FXYD3: variants seen among roughly 807,000 people sequenced by gnomAD.
The protein encoded by FXYD3 is FXYD domain containing ion transport regulator 3.
FXYD3 carries 13 observed loss-of-function variants against 19.2 expected under a neutral mutation model. The ratio of observed to expected loss-of-function variants is 0.68; its 90% CI spans 0.44 to 1.08. FXYD3 has a LOEUF of 1.08. Among genes scored for constraint, FXYD3 ranks in the 50% least tolerant of loss-of-function variants. The pLI, the probability that FXYD3 is intolerant of heterozygous loss-of-function variation, is 0.00. For missense variants in FXYD3, 101 were observed against 109.4 expected (o/e 0.92, Z 0.34); for synonymous variants, 48 against 38.9 (o/e 1.23, Z -0.87).
chr19:35,121,232 T>C lies in FXYD3; in HGVS notation c.84T>C (p.Ser28=). Residue 28 remains serine (S), a synonymous_variant, in exon 5 of 9, where the codon AGT becomes AGC. Transcript: ENST00000604404. ...TTTCTTTCCTTGCAGATAAAAACAG[T>C]CCTTTCTACTATGGTGAGAGCCCGT... The part of the protein sequence containing the change: ...LDANDLEDKN[S]PFYYDWHSLQ... 6.2e-7 allele frequency: 1 copy of C among 1,614,038 alleles called. No individual in the cohort carries two copies. The highest frequency in any genetic ancestry group is 8.5e-7 in the Non-Finnish European group (1 of 1,179,908).
At chr19:35,121,140 AC>A in intron 4 of FXYD3, 30 bp downstream of exon 4, 4 of 1,613,808 alleles carry the variant, frequency 2.5e-6, no homozygotes, top group Non-Finnish European at 3.4e-6. Flanking sequence ...CACCCGTCAC[AC>A]CCCCAAATTC....
rs1340095117 is a variant in FXYD3 at position 35,122,938 on chromosome 19, T to C, written c.193T>C (p.Phe65Leu). Residue 65 changes from phenylalanine to leucine, a missense_variant, in exon 7 of 9, where the codon TTT (phenylalanine) becomes CTT (leucine). Physicochemically the swap from Phe to Leu is conservative, Grantham distance 22. Coordinates refer to ENST00000604404, the MANE Select transcript of FXYD3 (RefSeq NM_005971.4). ...AACAGGTGCAAAATGCAAATGCAAG[T>C]TTGGCCAGAAGTCCGGGTAAGATAC... is the stretch of plus-strand genomic sequence containing the variant. ...IVMSAKCKCK[F>L]GQKSGHHPGE... 6.2e-7 allele frequency: 1 copy of C among 1,604,392 alleles called. No individual in the cohort carries two copies. The highest frequency in any genetic ancestry group is 8.5e-7 in the Non-Finnish European group (1 of 1,174,352).
chr19:35,119,866 C>T (rs1025971903), intron 3 of FXYD3: 1 of 172,592 alleles, frequency 5.8e-6, no homozygotes, highest in Non-Finnish European at 1.2e-5. Flanking sequence ...GACGAGGTCT[C>T]ACTGTGTTGC....
intron 2 of FXYD3, chr19:35,117,502 C>T (rs567773801): frequency 4.2e-5 from 38 of 910,052 alleles, no homozygotes; most frequent in East Asian, 1.3e-4. Context: ...AGAGATTGAG[C>T]GAGTAAGTGG....
rs780735784 is a variant in FXYD3, at chr19:35,119,272, G to A, written c.-14-91G>A. On this transcript the variant is annotated intron_variant, in intron 2 of 8. Coordinates refer to ENST00000604404, the MANE Select transcript of FXYD3 (RefSeq NM_005971.4). ...CCCGGGTGAGCTGCGCACCCTGCCTGGGGAGCAGGGGAGGAGGGTTGGGGA... is the reference window on the plus strand; with the variant it reads ...CCCGGGTGAGCTGCGCACCCTGCCTAGGGAGCAGGGGAGGAGGGTTGGGGA... 10 of 1,609,758 alleles carry A rather than the reference G, an allele frequency of 6.2e-6. No homozygotes were observed. In the South Asian group the frequency reaches 7.7e-5, roughly 12 times the overall value.
At chr19:35,117,449 A>G (rs1430102646) in intron 2 of FXYD3, 5 of 1,276,396 alleles carry the variant, frequency 3.9e-6, no homozygotes, top group East Asian at 3.0e-5. Context: ...CAGGATTACA[A>G]CTGCAATGTG....
At position 35,123,804 on chromosome 19, in the gene FXYD3, C is replaced by T; in HGVS notation, c.*347C>T. On this transcript the variant is annotated 3_prime_UTR_variant, in exon 9 of 9. Transcript: ENST00000604404. ...AGGCCTGTTCCCTTGTGGCTTGGGA[C>T]ATGGCACAGGCCCGCCCTCTGCCTC... is the stretch of plus-strand genomic sequence containing the variant. 3 of 406,772 alleles carry T rather than the reference C, an allele frequency of 7.4e-6. No homozygotes were observed. The highest frequency in any genetic ancestry group is 4.6e-5 in the East Asian group (1 of 21,734). The allele number at this position is 406,772 out of a possible 1,614,324, so 25.2% of individuals were successfully genotyped here.
At chr19:35,122,540 T>C in intron 5 of FXYD3, 1 of 569,126 alleles carries the variant, frequency 1.8e-6, no homozygotes, top group South Asian at 2.2e-5. Flanking sequence ...CCCACCCCAC[T>C]TATTTTTCTT....
rs372649627 is a variant in FXYD3 at position 35,121,354 on chromosome 19, C to T, written c.97+109C>T. 1.7e-5 allele frequency: 27 copies of T among 1,612,972 alleles called. No individual in the cohort carries two copies. In the African/African-American group the frequency reaches 1.7e-4, roughly 10 times the overall value. On this transcript the variant is annotated intron_variant, in intron 5 of 8. Transcript: ENST00000604404. Reference sequence around the variant, plus strand: ...ACGTGAGCATCACAGGACAAAGATACGAAGGGACTAGGATGGGGTTACTGA... The same window carrying T: ...ACGTGAGCATCACAGGACAAAGATATGAAGGGACTAGGATGGGGTTACTGA...
In FXYD3 at chr19:35,122,970, G is replaced by A. The variant is rs374885418; in HGVS notation, c.209+16G>A. Reference sequence around the variant, plus strand: ...AGAAGTCCGGGTAAGATACTGTTCCGGCATGCCCGCCTCAGGCTGACTGGA... The same window carrying A: ...AGAAGTCCGGGTAAGATACTGTTCCAGCATGCCCGCCTCAGGCTGACTGGA... On this transcript the variant is annotated intron_variant, in intron 7 of 8. Coordinates refer to ENST00000604404, the MANE Select transcript of FXYD3 (RefSeq NM_005971.4). 792 of 1,567,530 alleles carry A rather than the reference G, an allele frequency of 5.1e-4. 2 individuals are homozygous for A. The highest frequency in any genetic ancestry group is 6.2e-4 in the Non-Finnish European group (712 of 1,155,704).
intron 2 of FXYD3, chr19:35,119,040 A>G (rs1018174260): frequency 1.4e-5 from 10 of 717,204 alleles, no homozygotes; most frequent in Non-Finnish European, 2.5e-5. Context: ...CACCTCTCAG[A>G]GCCTCAGTCT....
In FXYD3 at chr19:35,122,987, C is replaced by T. The variant is rs927894219; in HGVS notation, c.209+33C>T. On this transcript the variant is annotated intron_variant, in intron 7 of 8. Transcript: ENST00000604404. ...ACTGTTCCGGCATGCCCGCCTCAGG[C>T]TGACTGGACGCTTTTCAGGGTGAAA... 8 of 1,549,208 alleles carry T rather than the reference C, an allele frequency of 5.2e-6. No homozygotes were observed. In the South Asian group the frequency reaches 8.8e-5, roughly 17 times the overall value.
rs754233843 is a variant in FXYD3, at chr19:35,122,997, G to A, written c.209+43G>A. 12 of 1,538,836 alleles carry A rather than the reference G, an allele frequency of 7.8e-6. 1 individual carries two copies. The South Asian group carries it at 1.0e-4, about 13-fold the overall frequency. On this transcript the variant is annotated intron_variant, in intron 7 of 8. Transcript: ENST00000604404. ...CATGCCCGCCTCAGGCTGACTGGAC[G>A]CTTTTCAGGGTGAAAGGGCTAACTC...
intron 2 of FXYD3, chr19:35,117,357 C>T (rs774584963): frequency 2.0e-6 from 3 of 1,505,684 alleles, no homozygotes; most frequent in Non-Finnish European, 1.8e-6. Context: ...CTTGGAGGAG[C>T]CCCTGGAAAG....
At chr19:35,122,659 A>C in intron 5 of FXYD3, 106 bp from the exon 6 acceptor site, 1 of 907,882 alleles carries the variant, frequency 1.1e-6, no homozygotes, top group Non-Finnish European at 1.8e-6. Context: ...CGGTGTCCCC[A>C]GCACCCTGTG....
chr19:35,121,280 C>T, intron 5 of FXYD3, 35 bp downstream of exon 5: 1 of 1,614,192 alleles, frequency 6.2e-7, no homozygotes, highest in Non-Finnish European at 8.5e-7. Flanking sequence ...CTCCCCACAA[C>T]CCCACATACT....
chr19:35,117,832 G>A (rs1310408261), intron 2 of FXYD3, among the ~76,000 whole-genome samples: 1 of 34,276 alleles, frequency 2.9e-5, no homozygotes, highest in Non-Finnish European at 4.9e-5. Flanking sequence ...GAAGCTGAGA[G>A]GATTCCCAGG....
In FXYD3 at chr19:35,116,770, C is replaced by T. The variant is rs974673517; in HGVS notation, c.-15+411C>T. 63 of 984,256 alleles carry T rather than the reference C, an allele frequency of 6.4e-5. No individual in the cohort carries two copies. In the African/African-American group the frequency reaches 1.0e-3, roughly 16 times the overall value. 61.0% of individuals were successfully genotyped at this position (984,256 alleles called of 1,614,324 possible). ...GTGGATGAGGAATGCTGGGTGGACT[C>T]GGGGTGTCCAGACATTGAGGGATCT... On this transcript the variant is annotated intron_variant, in intron 2 of 8. Transcript: ENST00000604404.
chr19:35,122,557 A>C, intron 5 of FXYD3: 1 of 577,410 alleles, frequency 1.7e-6, no homozygotes, highest in South Asian at 2.1e-5. Flanking sequence ...TCTTCAAACC[A>C]CTTATCTCTG....
Sources: gnomAD v4.1 joint callset for allele counts (sites outside exome capture counted in the v4.1 genomes callset) on GRCh38, gnomAD v4.1.1 for gene constraint, MANE v1.5 for transcripts, NCBI Gene and HGNC (gene_info 2026-07-23, HGNC 2026-07-21) for gene names.